Variants in MRGPRX2 observed in about 807,000 individuals in gnomAD.
The protein encoded by MRGPRX2 is mas-related G protein-coupled receptor member X2.
For missense variants in MRGPRX2, 389 were observed against 404.5 expected (o/e 0.96, Z 0.33); for synonymous variants, 183 against 175.6 (o/e 1.04, Z -0.33).
At position 19,054,590 on chromosome 11, in the gene MRGPRX2, G is replaced by A. The variant is rs1009708865; in HGVS notation, c.*820C>T. The A allele has an allele frequency of 6.6e-6, 1 of 152,180 alleles. No individual in the cohort carries two copies. The highest frequency in any genetic ancestry group is 1.5e-5 in the Non-Finnish European group (1 of 68,028). The allele number at this position is 152,180 out of a possible 1,614,324, so 9.4% of individuals were successfully genotyped here. A position where few individuals can be genotyped will look rare whatever the true frequency, so the allele number is the denominator to read the frequency against. On this transcript the variant is annotated 3_prime_UTR_variant, in exon 2 of 2. Transcript: ENST00000329773. ...ACAGCCTGTCCTCCAAGAACATGGA[G>A]TCTATAAGACCACTGGAAACTTCCA... is the stretch of plus-strand genomic sequence containing the variant.
chr11:19,059,311 G>C (rs1201518627), intron 1 of MRGPRX2, among the ~76,000 whole-genome samples: 1 of 152,176 alleles, frequency 6.6e-6, no homozygotes, highest in Non-Finnish European at 1.5e-5. Context: ...GGACCATGAG[G>C]GTAAGGGTAC....
At position 19,055,959 on chromosome 11, in the gene MRGPRX2, G is replaced by T. The variant is rs147098042; in HGVS notation, c.444C>A (p.Val148=). 4 of 1,614,186 alleles carry T rather than the reference G, an allele frequency of 2.5e-6. No individual in the cohort carries two copies. Among genetic ancestry groups the T allele is most frequent in the Non-Finnish European group, 3.4e-6 (4 of 1,180,046 alleles). ...ACAGGGCCCAGAGCAGGACACACACGACCGCTGACAGGTGTCTGGGGCGGC... is the reference window on the plus strand; with the variant it reads ...ACAGGGCCCAGAGCAGGACACACACTACCGCTGACAGGTGTCTGGGGCGGC... The part of the protein sequence containing the change: ...RCRRPRHLSA[V]VCVLLWALSL... The change falls in exon 2 of 2, where the codon GTC becomes GTA. Residue 148 remains valine (V), a synonymous_variant. Coordinates refer to ENST00000329773, the MANE Select transcript of MRGPRX2 (RefSeq NM_054030.4).
rs1164284169 is a variant in MRGPRX2, at chr11:19,055,296, A to G, written c.*114T>C. On this transcript the variant is annotated 3_prime_UTR_variant, in exon 2 of 2. Transcript: ENST00000329773. Reference sequence around the variant, plus strand: ...ACTGTCTCACTTAATCCTCACAAGGACTCTCTTAACTGTTTTAAAATCAGG... The same window carrying G: ...ACTGTCTCACTTAATCCTCACAAGGGCTCTCTTAACTGTTTTAAAATCAGG... The G allele has an allele frequency of 2.1e-5, 23 of 1,081,382 alleles. No individual in the cohort carries two copies. Among genetic ancestry groups the G allele is most frequent in the Non-Finnish European group, 1.3e-6 (1 of 743,944 alleles). 67.0% of individuals were successfully genotyped at this position (1,081,382 alleles called of 1,614,324 possible).
In MRGPRX2 at chr11:19,055,396, G is replaced by A; in HGVS notation, c.*14C>T. 3.1e-6 allele frequency: 5 copies of A among 1,588,238 alleles called. No homozygotes were observed. Among genetic ancestry groups the A allele is most frequent in the Non-Finnish European group, 4.3e-6 (5 of 1,162,590 alleles). On this transcript the variant is annotated 3_prime_UTR_variant, in exon 2 of 2. Transcript: ENST00000329773. ...AAGCCACATATATCTGATGGAAGTA[G>A]AGGCTGTCCATCTCTACACCAGACT...
chr11:19,057,936 G>C (rs12284288), intron 1 of MRGPRX2, among the ~76,000 whole-genome samples: 330 of 152,336 alleles, frequency 2.2e-3, no homozygotes, highest in African/African-American at 7.8e-3. Context: ...TTCTTAACCA[G>C]CCTTGCAGCC....
intron 1 of MRGPRX2, among the ~76,000 whole-genome samples, chr11:19,058,545 C>T (rs1227448172): frequency 3.9e-5 from 6 of 152,056 alleles, no homozygotes; most frequent in African/African-American, 1.4e-4. Flanking sequence ...CTCAGCCTCC[C>T]GAGTAGCTGG....
chr11:19,059,862 T>C (rs190384297), intron 1 of MRGPRX2, among the ~76,000 whole-genome samples: 1 of 152,256 alleles, frequency 6.6e-6, no homozygotes, highest in Non-Finnish European at 1.5e-5. Context: ...GTGACTTTTT[T>C]TTTCAGCCAA....
intron 1 of MRGPRX2, among the ~76,000 whole-genome samples, chr11:19,059,204 G>T (rs1274762405): frequency 6.6e-6 from 1 of 152,186 alleles, no homozygotes; most frequent in African/African-American, 2.4e-5. Flanking sequence ...GATGGTCAAG[G>T]GGAGGTGAGA....
chr11:19,058,938 T>TA (rs1026812744), intron 1 of MRGPRX2, among the ~76,000 whole-genome samples: 1 of 152,184 alleles, frequency 6.6e-6, no homozygotes, highest in African/African-American at 2.4e-5. Flanking sequence ...GCAGGTCCAA[T>TA]ACCAGCTCCA....
intron 1 of MRGPRX2, among the ~76,000 whole-genome samples, chr11:19,057,745 A>G (rs7116312): frequency 0.33 from 50,163 of 152,022 alleles, 9,034 homozygotes; most frequent in African/African-American, 0.49. Context: ...AGCTGGCTGA[A>G]TGCTCTTCAG....
chr11:19,058,282 T>A (rs949859327), intron 1 of MRGPRX2, among the ~76,000 whole-genome samples: 7 of 152,206 alleles, frequency 4.6e-5, no homozygotes, highest in African/African-American at 1.7e-4. Flanking sequence ...CATCAAGGAC[T>A]GAATGCATCC....
Position 19,055,768 on chromosome 11 carries a change from C to T in MRGPRX2, c.635G>A (p.Gly212Asp). 1 of 1,614,160 alleles carries T rather than the reference C, an allele frequency of 6.2e-7. No individual in the cohort carries two copies. Among genetic ancestry groups the T allele is most frequent in the Middle Eastern group, 1.6e-4 (1 of 6,062 alleles). ...CCTGGTCAGTGGCAGACCCCTGGAG[C>T]CACAGAGGATCCTGACCAGCAGGGC... is the stretch of plus-strand genomic sequence containing the variant. ...SLALLVRILC[G>D]SRGLPLTRLY... The change falls in exon 2 of 2, where the codon GGC becomes GAC. Residue 212 changes from glycine to aspartate, a missense_variant. Gly to Asp is a moderately conservative substitution (Grantham distance 94). Coordinates refer to ENST00000329773, the MANE Select transcript of MRGPRX2 (RefSeq NM_054030.4).
At chr11:19,059,343 G>A (rs760616674) in intron 1 of MRGPRX2, among the ~76,000 whole-genome samples, 5 of 152,210 alleles carry the variant, frequency 3.3e-5, no homozygotes, top group Non-Finnish European at 5.9e-5. Flanking sequence ...TGGGGAAATA[G>A]AAATTGGAAG....
At position 19,055,186 on chromosome 11, in the gene MRGPRX2, T is replaced by G; in HGVS notation, c.*224A>C. ...GTGGGAACAGTCATGGACCGCAGAG[T>G]TGGCAAAGCTCTCATAGGGCTGTGG... On this transcript the variant is annotated 3_prime_UTR_variant, in exon 2 of 2. Coordinates refer to ENST00000329773, the MANE Select transcript of MRGPRX2 (RefSeq NM_054030.4). 2.0e-6 allele frequency: 1 copy of G among 504,648 alleles called. No homozygotes were observed. The allele number at this position is 504,648 out of a possible 1,614,324, so 31.3% of individuals were successfully genotyped here.
chr11:19,059,370 T>A (rs536389474), intron 1 of MRGPRX2, among the ~76,000 whole-genome samples: 2 of 152,340 alleles, frequency 1.3e-5, no homozygotes, highest in East Asian at 3.9e-4. Flanking sequence ...TGATGTTTGA[T>A]GTCTTAGAGT....
rs992018479 is a variant in MRGPRX2, at chr11:19,055,165, G to A, written c.*245C>T. 5.0e-5 allele frequency: 21 copies of A among 419,340 alleles called. No homozygotes were observed. Among genetic ancestry groups the A allele is most frequent in the Non-Finnish European group, 8.9e-5 (21 of 235,154 alleles). 26.0% of individuals were successfully genotyped at this position (419,340 alleles called of 1,614,324 possible). A position where few individuals can be genotyped will look rare whatever the true frequency, so the allele number is the denominator to read the frequency against. ...GAAAGGTAGGATTCATTAAAAGTGGGAACAGTCATGGACCGCAGAGTTGGC... is the reference window on the plus strand; with the variant it reads ...GAAAGGTAGGATTCATTAAAAGTGGAAACAGTCATGGACCGCAGAGTTGGC... On this transcript the variant is annotated 3_prime_UTR_variant, in exon 2 of 2. Coordinates refer to ENST00000329773, the MANE Select transcript of MRGPRX2 (RefSeq NM_054030.4).
Position 19,056,083 on chromosome 11 carries a change from G to T in MRGPRX2, c.320C>A (p.Thr107Asn). 1 of 1,614,252 alleles carries T rather than the reference G, an allele frequency of 6.2e-7. No individual in the cohort carries two copies. Among genetic ancestry groups the T allele is most frequent in the South Asian group, 1.1e-5 (1 of 91,088 alleles). ...TGCAAGGTAGGCACAGGTCATCACA[G>T]TGGTGAAGAAGCTAGGGAAATTGAT... ...ISINFPSFFT[T>N]VMTCAYLAGL... is the part of the protein sequence containing the mutation. The change falls in exon 2 of 2, where the codon ACT (threonine) becomes AAT (asparagine). Residue 107 changes from threonine to asparagine, a missense_variant. Thr to Asn is a moderately conservative substitution (Grantham distance 65, BLOSUM62 0). Transcript: ENST00000329773.
chr11:19,059,972 T>A (rs1565000952), intron 1 of MRGPRX2, among the ~76,000 whole-genome samples: 1 of 152,230 alleles, frequency 6.6e-6, no homozygotes, highest in Non-Finnish European at 1.5e-5. Flanking sequence ...GCAGTGTTTT[T>A]CTACCTAAGG....
chr11:19,056,416 C>T lies in MRGPRX2; in HGVS notation c.-14G>A. 4.4e-6 allele frequency: 7 copies of T among 1,594,262 alleles called. No individual in the cohort carries two copies. The South Asian group carries it at 7.8e-5, about 18-fold the overall frequency. On this transcript the variant is annotated 5_prime_UTR_variant, in exon 2 of 2. Coordinates refer to ENST00000329773, the MANE Select transcript of MRGPRX2 (RefSeq NM_054030.4). The stretch of plus-strand genomic sequence containing the variant: ...GGTTGGATCCATGCTCAGAAAACCT[C>T]CACTGGTGCCCCTGGAAACAAAAAC...
Sources: allele counts gnomAD v4.1 joint callset (sites outside exome capture counted in the v4.1 genomes callset), GRCh38; gene constraint gnomAD v4.1.1; transcripts MANE v1.5; gene names NCBI Gene and HGNC (gene_info 2026-07-23, HGNC 2026-07-21).